The following BTBD9 variants were observed in gnomAD, a reference collection of about 807,000 sequenced individuals.
BTBD9 encodes BTB/POZ domain-containing protein 9.
BTBD9 carries 49 observed loss-of-function variants against 64.3 expected under a neutral mutation model. The observed-to-expected ratio is 0.76, with a 90% CI of 0.61 to 0.97. BTBD9 has a LOEUF of 0.97. Ranked by LOEUF, BTBD9 falls within the 50% of genes least tolerant of loss-of-function variation. The pLI is 0.00. For synonymous variants in BTBD9, 260 were observed against 274.7 expected (o/e 0.95, Z 0.53); for missense variants, 598 against 762.1 (o/e 0.78, Z 2.53).
intron 6 of BTBD9, among the ~76,000 whole-genome samples, chr6:38,531,905 T>C (rs1278634181): frequency 6.6e-6 from 1 of 152,096 alleles, no homozygotes; most frequent in East Asian, 1.9e-4. Flanking sequence ...GCTCCACTGA[T>C]TACCCCCACT....
At position 38,419,819 on chromosome 6, in the gene BTBD9, G is replaced by A. The variant is rs986883978; in HGVS notation, c.1155-74726C>T. Among the ~76,000 whole-genome samples, 8 of 152,204 alleles carry A rather than the reference G, an allele frequency of 5.3e-5. No individual in the cohort carries two copies. The South Asian group carries it at 1.5e-3, about 28-fold the overall frequency. ...CGGGAGATAGAGGTTGCGGTAAGCC[G>A]AGATCGCGACACTGCACTCCACCCT... is the stretch of plus-strand genomic sequence containing the variant. On this transcript the variant is annotated intron_variant, in intron 6 of 10. Coordinates refer to ENST00000481247, the MANE Select transcript of BTBD9 (RefSeq NM_001099272.2).
intron 6 of BTBD9, among the ~76,000 whole-genome samples, chr6:38,537,460 G>T (rs1048414276): frequency 2.0e-5 from 3 of 152,166 alleles, no homozygotes; most frequent in African/African-American, 4.8e-5. Context: ...AAAGACTCCT[G>T]CAGGGCAGGA....
chr6:38,228,391 A>T (rs1426323125), intron 9 of BTBD9, among the ~76,000 whole-genome samples: 1 of 132,780 alleles, frequency 7.5e-6, no homozygotes, highest in Admixed American at 8.0e-5. Context: ...AAACCTATGG[A>T]CTTTCGGTAT....
chr6:38,237,721 T>C (rs1001626857), intron 9 of BTBD9, among the ~76,000 whole-genome samples: 3 of 152,172 alleles, frequency 2.0e-5, no homozygotes, highest in African/African-American at 7.2e-5. Flanking sequence ...AAAAAAGTGC[T>C]GAATCTTATG....
intron 7 of BTBD9, among the ~76,000 whole-genome samples, chr6:38,328,855 G>A (rs1364027617): frequency 2.0e-5 from 3 of 151,770 alleles, no homozygotes; most frequent in Non-Finnish European, 4.4e-5. Flanking sequence ...ACTGAGGCAG[G>A]CGAATGGCGT....
At chr6:38,436,121 A>G (rs1768724714) in intron 6 of BTBD9, among the ~76,000 whole-genome samples, 1 of 151,968 alleles carries the variant, frequency 6.6e-6, no homozygotes, top group South Asian at 2.1e-4. Flanking sequence ...CCTAGTACTG[A>G]TAAGTAGATA....
chr6:38,227,224 G>C (rs1261548690), intron 9 of BTBD9, among the ~76,000 whole-genome samples: 1 of 152,216 alleles, frequency 6.6e-6, no homozygotes, highest in East Asian at 1.9e-4. Context: ...AGGATTCTGG[G>C]ATTCTGATTT....
intron 6 of BTBD9, among the ~76,000 whole-genome samples, chr6:38,547,617 T>C (rs1303225171): frequency 6.6e-6 from 1 of 152,170 alleles, no homozygotes; most frequent in East Asian, 1.9e-4. Context: ...CCTTCTCATC[T>C]CAGGGTCTCT....
At chr6:38,479,220 GCACAGGGGTTCAGA>G (rs958700295) in intron 6 of BTBD9, among the ~76,000 whole-genome samples, 7 of 152,078 alleles carry the variant, frequency 4.6e-5, no homozygotes, top group African/African-American at 1.7e-4. Context: ...CCAATGTGGA[GCACAGGGGTTCAGA>G]CACACAACCC....
intron 9 of BTBD9, among the ~76,000 whole-genome samples, chr6:38,251,093 A>ATAAT (rs1554132091): frequency 6.2e-4 from 93 of 149,240 alleles, no homozygotes; most frequent in Admixed American, 4.4e-3. Context: ...GAAAAAAAAA[A>ATAAT]AATAATAATA....
intron 6 of BTBD9, among the ~76,000 whole-genome samples, chr6:38,460,968 G>A (rs971135662): frequency 1.3e-5 from 2 of 152,168 alleles, no homozygotes; most frequent in African/African-American, 2.4e-5. Context: ...AGTAATTAAT[G>A]AAATATTTTA....
At chr6:38,616,357 C>T (rs1777789195) in intron 1 of BTBD9, among the ~76,000 whole-genome samples, 1 of 152,168 alleles carries the variant, frequency 6.6e-6, no homozygotes, top group Non-Finnish European at 1.5e-5. Flanking sequence ...TAATGGCCAT[C>T]AATACTATCA....
chr6:38,512,282 T>C (rs540195671), intron 6 of BTBD9, among the ~76,000 whole-genome samples: 1 of 152,296 alleles, frequency 6.6e-6, no homozygotes, highest in Admixed American at 6.5e-5. Context: ...CACTACTATG[T>C]TTTAAAAAAG....
intron 6 of BTBD9, among the ~76,000 whole-genome samples, chr6:38,556,532 TGTGTGTGTGTGTGTGTGTGAGAGAGA>T (rs952345460): frequency 1.4e-4 from 7 of 51,136 alleles, no homozygotes; most frequent in Non-Finnish European, 2.5e-4. Flanking sequence ...TGTGTGTGTG[TGTGTGTGTGTGTGTGTGTGAGAGAGA>T]GAGAGAGAGA....
chr6:38,338,969 C>T (rs1764000972), intron 7 of BTBD9, among the ~76,000 whole-genome samples: 1 of 152,184 alleles, frequency 6.6e-6, no homozygotes, highest in Non-Finnish European at 1.5e-5. Flanking sequence ...ACATGCTCTG[C>T]TGGCAAGGCT....
chr6:38,275,399 A>G (rs957945675), intron 8 of BTBD9, among the ~76,000 whole-genome samples: 1 of 152,208 alleles, frequency 6.6e-6, no homozygotes, highest in Non-Finnish European at 1.5e-5. Flanking sequence ...AAAAGCCTAG[A>G]AGAAAACCTA....
chr6:38,494,962 C>T (rs901591166), intron 6 of BTBD9, among the ~76,000 whole-genome samples: 3 of 152,114 alleles, frequency 2.0e-5, no homozygotes, highest in Admixed American at 6.5e-5. Flanking sequence ...AGCATTGCCC[C>T]GGATCCTATA....
At chr6:38,552,789 C>T (rs1774869167) in intron 6 of BTBD9, among the ~76,000 whole-genome samples, 1 of 151,658 alleles carries the variant, frequency 6.6e-6, no homozygotes, top group South Asian at 2.1e-4. Context: ...TGTATGGCTG[C>T]ATGGTAAATA....
At chr6:38,189,973 CT>C (rs55886750) in intron 10 of BTBD9, among the ~76,000 whole-genome samples, 160 of 135,432 alleles carry the variant, frequency 1.2e-3, no homozygotes, top group East Asian at 2.2e-3. Flanking sequence ...CAGGCCCAGC[CT>C]TTTTTTTTTT....
Sources: gnomAD v4.1 joint callset for allele counts (sites outside exome capture counted in the v4.1 genomes callset) on GRCh38, gnomAD v4.1.1 for gene constraint, MANE v1.5 for transcripts, NCBI Gene and HGNC (gene_info 2026-07-23, HGNC 2026-07-21) for gene names.